HEMK2: variants seen among roughly 807,000 people sequenced by gnomAD.
HEMK2 encodes methyltransferase HEMK2.
At chr21:28,823,982 T>C in the HEMK2 span, among the ~76,000 whole-genome samples, 11 of 152,194 alleles carry the variant, frequency 7.2e-5, no homozygotes, top group Non-Finnish European at 1.3e-4. Flanking sequence ...CCAGATCTAC[T>C]TGATTGGAGG....
At chr21:28,837,557 A>G in the HEMK2 span, among the ~76,000 whole-genome samples, 3 of 152,302 alleles carry the variant, frequency 2.0e-5, no homozygotes, top group South Asian at 6.2e-4. Flanking sequence ...TGCTGAGTGG[A>G]AAGTTCACAT....
At chr21:28,584,862 G>A in the HEMK2 span, among the ~76,000 whole-genome samples, 1 of 151,732 alleles carries the variant, frequency 6.6e-6, no homozygotes, top group Admixed American at 6.6e-5. Flanking sequence ...CAAAACAAGA[G>A]AACTAAGTCA....
chr21:28,750,777 G>T, the HEMK2 span, among the ~76,000 whole-genome samples: 1 of 150,490 alleles, frequency 6.6e-6, no homozygotes, highest in Non-Finnish European at 1.5e-5. Flanking sequence ...CAGTTCATTA[G>T]TGACACAGCC....
the HEMK2 span, among the ~76,000 whole-genome samples, chr21:28,785,779 C>T: frequency 6.6e-6 from 1 of 152,320 alleles, no homozygotes; most frequent in East Asian, 1.9e-4. Flanking sequence ...AGAAGAACCA[C>T]CCTCCTGAGC....
chr21:28,702,378 A>G, the HEMK2 span, among the ~76,000 whole-genome samples: 1 of 152,318 alleles, frequency 6.6e-6, no homozygotes, highest in East Asian at 1.9e-4. Context: ...AGAAACTATC[A>G]ACAGACTAAA....
At chr21:28,654,411 GGAAGGATACT>G in the HEMK2 span, among the ~76,000 whole-genome samples, 1 of 152,026 alleles carries the variant, frequency 6.6e-6, no homozygotes, top group Non-Finnish European at 1.5e-5. Context: ...ACTTTGGAAG[GGAAGGATACT>G]GAAGGATAAC....
the HEMK2 span, among the ~76,000 whole-genome samples, chr21:28,857,921 T>A: frequency 6.6e-6 from 1 of 152,192 alleles, no homozygotes; most frequent in South Asian, 2.1e-4. Context: ...GTATCCAGAT[T>A]GTGTCAGGTG....
chr21:28,854,496 A>C, the HEMK2 span, among the ~76,000 whole-genome samples: 2 of 150,834 alleles, frequency 1.3e-5, no homozygotes, highest in Non-Finnish European at 2.9e-5. Flanking sequence ...ATATCTATAT[A>C]TCTATATCTA....
the HEMK2 span, among the ~76,000 whole-genome samples, chr21:28,686,181 C>A: frequency 6.6e-6 from 1 of 152,148 alleles, no homozygotes; most frequent in Non-Finnish European, 1.5e-5. Context: ...TACTCTCCCA[C>A]ACCTCACCAT....
At chr21:28,702,633 G>A in the HEMK2 span, among the ~76,000 whole-genome samples, 13 of 152,262 alleles carry the variant, frequency 8.5e-5, no homozygotes, top group African/African-American at 3.1e-4. Context: ...CAGTCAGAAT[G>A]ACTATTATCA....
the HEMK2 span, among the ~76,000 whole-genome samples, chr21:28,734,367 G>A: frequency 7.2e-5 from 11 of 152,152 alleles, no homozygotes; most frequent in South Asian, 6.2e-4. Context: ...TGTCTGCCAC[G>A]GCATGTCTGC....
At chr21:28,588,694 G>A in the HEMK2 span, among the ~76,000 whole-genome samples, 1 of 152,156 alleles carries the variant, frequency 6.6e-6, no homozygotes, top group Non-Finnish European at 1.5e-5. Context: ...AAAGGATCCG[G>A]GTGCGGTGGC....
chr21:28,875,869 C>T, the HEMK2 span: 1 of 152,244 alleles, frequency 6.6e-6, no homozygotes, highest in Non-Finnish European at 1.5e-5. Flanking sequence ...TGTCTTTCCA[C>T]TAAGTCTAAT....
chr21:28,706,928 T>G, the HEMK2 span, among the ~76,000 whole-genome samples: 19 of 151,940 alleles, frequency 1.3e-4, no homozygotes, highest in East Asian at 3.5e-3. Context: ...TATACTCTGG[T>G]GAATGAAATG....
the HEMK2 span, among the ~76,000 whole-genome samples, chr21:28,837,625 A>G: frequency 2.0e-5 from 3 of 152,178 alleles, no homozygotes; most frequent in African/African-American, 7.2e-5. Flanking sequence ...CTAAGGTCAC[A>G]CCTAAAGAAA....
chr21:28,747,930 G>A, the HEMK2 span, among the ~76,000 whole-genome samples: 5 of 152,216 alleles, frequency 3.3e-5, no homozygotes, highest in Non-Finnish European at 7.3e-5. Flanking sequence ...AACATCAGAG[G>A]AGCGTCTATG....
At chr21:28,788,191 CGTATATACGTATATATACGTATATAT>C in the HEMK2 span, among the ~76,000 whole-genome samples, 1 of 110,980 alleles carries the variant, frequency 9.0e-6, no homozygotes, top group South Asian at 2.6e-4. Flanking sequence ...CACATATATA[CGTATATACGTATATATACGTATATAT>C]GTATATATAC....
chr21:28,863,468 A>ATATC, the HEMK2 span, among the ~76,000 whole-genome samples: 1 of 79,606 alleles, frequency 1.3e-5, no homozygotes, highest in African/African-American at 4.0e-5. Context: ...ATATATATAT[A>ATATC]TACTTCATTA....
the HEMK2 span, among the ~76,000 whole-genome samples, chr21:28,606,193 A>G: frequency 2.0e-5 from 3 of 152,222 alleles, no homozygotes; most frequent in Non-Finnish European, 4.4e-5. Context: ...CCAAGCCCCA[A>G]GCATTCAAAA....
Sources: allele counts gnomAD v4.1 joint callset (sites outside exome capture counted in the v4.1 genomes callset), GRCh38; gene constraint gnomAD v4.1.1; transcripts MANE v1.5; gene names NCBI Gene and HGNC (gene_info 2026-07-23, HGNC 2026-07-21).